Variants in SEMA6B observed in about 807,000 individuals in gnomAD.
The protein encoded by SEMA6B is semaphorin 6B.
In SEMA6B, 47 loss-of-function variants were observed where a neutral mutation model predicts 78.6. The ratio of observed to expected loss-of-function variants is 0.60; its 90% CI spans 0.47 to 0.76. The LOEUF (loss-of-function observed/expected upper bound fraction) is 0.76. SEMA6B is among the 30% of genes least tolerant of loss of function. The pLI is 0.00. For synonymous variants in SEMA6B, 632 were observed against 592.2 expected, an observed-to-expected ratio of 1.07 and a Z score of -0.98; for missense variants, 1,213 against 1,269.9, an observed-to-expected ratio of 0.96 and a Z score of 0.68.
At chr19:4,548,236 C>T in intron 13 of SEMA6B, 27 bp downstream of exon 13, 1 of 1,593,158 alleles carries the variant, frequency 6.3e-7, no homozygotes, top group African/African-American at 1.3e-5. Context: ...CTGCTGGCGA[C>T]CCCTTCCCAC....
rs918065842 is a variant in SEMA6B at position 4,544,157 on chromosome 19, G to A, written c.2111C>T (p.Ser704Leu). ...LLQGGPHDLD[S>L]GLLPTPEQTP... ...CTGCTCGGGCGTGGGCAGCAGCCCCGAGTCCAGGTCGTGGGGCCCGCCCTG... is the reference window on the plus strand; with the variant it reads ...CTGCTCGGGCGTGGGCAGCAGCCCCAAGTCCAGGTCGTGGGGCCCGCCCTG... The change falls in exon 17 of 17, where the codon TCG (serine) becomes TTG (leucine). Residue 704 changes from serine to leucine, a missense_variant. Ser to Leu is a moderately radical substitution (Grantham distance 145). Transcript: ENST00000586582. This position sits in a 1 kb window ranked among gnomAD's most constrained non-coding sequence, Gnocchi z 5.1. 7.9e-6 allele frequency: 10 copies of A among 1,271,524 alleles called. No individual in the cohort carries two copies. The highest frequency in any genetic ancestry group is 6.2e-5 in the African/African-American group (4 of 64,282). 78.8% of individuals were successfully genotyped at this position (1,271,524 alleles called of 1,614,324 possible).
At chr19:4,549,145 A>G (rs1568254278) in intron 12 of SEMA6B, among the ~76,000 whole-genome samples, 1 of 151,296 alleles carries the variant, frequency 6.6e-6, no homozygotes, top group African/African-American at 2.4e-5. Flanking sequence ...CCTGATATGT[A>G]TGTGTGTCTG....
Position 4,550,156 on chromosome 19 carries a change from C to T in SEMA6B, c.1238G>A (p.Gly413Asp). ...GGTCCGCAGGATCCAGGGCGCATGG[C>T]CCAGCGAGGGCACCGCCTCGTCCAT... The part of the protein sequence containing the change: ...PLMDEAVPSL[G>D]HAPWILRTLM... Residue 413 changes from glycine to aspartate, a missense_variant, in exon 12 of 17, where the codon GGC becomes GAC. Physicochemically the swap from Gly to Asp is moderately conservative, Grantham distance 94. Transcript: ENST00000586582. The surrounding 1 kb of genome is among the most constrained non-coding windows in gnomAD (Gnocchi z 6.6). 5 of 1,613,820 alleles carry T rather than the reference C, an allele frequency of 3.1e-6. No homozygotes were observed. Among genetic ancestry groups the T allele is most frequent in the Non-Finnish European group, 4.2e-6 (5 of 1,180,002 alleles).
chr19:4,555,664 C>T lies in SEMA6B; in HGVS notation c.472-100G>A, dbSNP rs575206169. The T allele has an allele frequency of 1.2e-4, 115 of 952,534 alleles. No individual in the cohort carries two copies. In the East Asian group the frequency reaches 1.9e-3, roughly 16 times the overall value. 59.0% of individuals were successfully genotyped at this position (952,534 alleles called of 1,614,324 possible). A position where few individuals can be genotyped will look rare whatever the true frequency, so the allele number is the denominator to read the frequency against. ...CTCCAGGGGGAATCCTGATCCACCA[C>T]GGATTACTGTGTGACCTTGGCCACT... On this transcript the variant is annotated intron_variant, in intron 6 of 16. Transcript: ENST00000586582. This position sits in a 1 kb window ranked among gnomAD's most constrained non-coding sequence, Gnocchi z 6.1.
At chr19:4,556,824 T>A in intron 5 of SEMA6B, 127 bp downstream of exon 5, 1 of 751,668 alleles carries the variant, frequency 1.3e-6, no homozygotes, top group Non-Finnish European at 2.0e-6. Flanking sequence ...GGGCCAGGGC[T>A]GATTGGGGGT....
Position 4,546,399 on chromosome 19 carries a change from C to A in SEMA6B, c.1672G>T (p.Gly558Cys). 6.3e-7 allele frequency: 1 copy of A among 1,584,230 alleles called. No individual in the cohort carries two copies. The highest frequency in any genetic ancestry group is 2.3e-5 in the East Asian group (1 of 43,102). ...PDGSCIFLSP[G>C]TRAAFEQDVS... Reference sequence around the variant, plus strand: ...CTCCCTCTCCCGCAGTACCTGGTGCCCGGGCTGAGGAAGATGCAGGAGCCG... The same window carrying A: ...CTCCCTCTCCCGCAGTACCTGGTGCACGGGCTGAGGAAGATGCAGGAGCCG... Residue 558 changes from glycine to cysteine, a missense_variant, in exon 15 of 17, where the codon GGC becomes TGC. Transcript: ENST00000586582.
Position 4,555,595 on chromosome 19 carries a change from T to C in SEMA6B, c.472-31A>G, listed in dbSNP as rs755920234. On this transcript the variant is annotated intron_variant, in intron 6 of 16. Coordinates refer to ENST00000586582, the MANE Select transcript of SEMA6B (RefSeq NM_032108.4). The surrounding 1 kb of genome is among the most constrained non-coding windows in gnomAD (Gnocchi z 6.1). ...GGGACCATGGGGCCTGAGTGACAGA[T>C]CTCCTGACCCCACCTAGCAGCCCCT... The C allele has an allele frequency of 1.3e-6, 2 of 1,576,584 alleles. No homozygotes were observed. Among genetic ancestry groups the C allele is most frequent in the Non-Finnish European group, 1.7e-6 (2 of 1,149,898 alleles).
chr19:4,546,852 G>C (rs969350216), intron 14 of SEMA6B, among the ~76,000 whole-genome samples: 2 of 152,086 alleles, frequency 1.3e-5, no homozygotes, highest in Non-Finnish European at 2.9e-5. Context: ...CTGACCTCAA[G>C]TGATCCACCC....
rs1290038765 is a variant in SEMA6B at position 4,548,066 on chromosome 19, A to G, written c.1562T>C (p.Val521Ala). The G allele has an allele frequency of 8.2e-6, 13 of 1,588,830 alleles. No individual in the cohort carries two copies. Among genetic ancestry groups the G allele is most frequent in the Non-Finnish European group, 1.0e-5 (12 of 1,173,002 alleles). Residue 521 changes from valine (V) to alanine (A), a missense_variant, in exon 14 of 17, where the codon GTG becomes GCG. Transcript: ENST00000586582. The part of the protein sequence containing the change: ...LAAFPRCVVR[V>A]PVARCQQYSG... ...GTACTGCTGGCAGCGAGCCACAGGC[A>G]CTCGGACCACGCAGCGGGGGAAGGC...
In SEMA6B at chr19:4,555,648, G is replaced by T; in HGVS notation, c.472-84C>A. The T allele has an allele frequency of 9.1e-7, 1 of 1,104,742 alleles. No individual in the cohort carries two copies. The highest frequency in any genetic ancestry group is 1.3e-6 in the Non-Finnish European group (1 of 749,572). 68.4% of individuals were successfully genotyped at this position (1,104,742 alleles called of 1,614,324 possible). A position where few individuals can be genotyped will look rare whatever the true frequency, so the allele number is the denominator to read the frequency against. On this transcript the variant is annotated intron_variant, in intron 6 of 16. Transcript: ENST00000586582. The surrounding 1 kb of genome is among the most constrained non-coding windows in gnomAD (Gnocchi z 6.1). ...CTCCCTCAGCCCCCCACTCCAGGGG[G>T]AATCCTGATCCACCACGGATTACTG...
At position 4,558,226 on chromosome 19, in the gene SEMA6B, A is replaced by T. The variant is rs577920196; in HGVS notation, c.122-77T>A. ...GGTGGCCTGAGGTCATGCCCCTTCT[A>T]GGGGTGGCTCCTGGACTGCTTGAGT... On this transcript the variant is annotated intron_variant, in intron 2 of 16. Coordinates refer to ENST00000586582, the MANE Select transcript of SEMA6B (RefSeq NM_032108.4). This position sits in a 1 kb window ranked among gnomAD's most constrained non-coding sequence, Gnocchi z 5.1. 1.5e-6 allele frequency: 2 copies of T among 1,343,046 alleles called. No individual in the cohort carries two copies. The highest frequency in any genetic ancestry group is 2.9e-5 in the East Asian group (1 of 34,632). 83.2% of individuals were successfully genotyped at this position (1,343,046 alleles called of 1,614,324 possible). A position where few individuals can be genotyped will look rare whatever the true frequency, so the allele number is the denominator to read the frequency against.
intron 4 of SEMA6B, 32 bp from the exon 5 acceptor site, chr19:4,557,045 C>A: frequency 6.2e-7 from 1 of 1,605,816 alleles, no homozygotes; most frequent in Non-Finnish European, 8.5e-7. Context: ...GAGGGGGTAA[C>A]GGGTCCCAGC....
At chr19:4,557,825 C>T (rs1300057368) in intron 3 of SEMA6B, among the ~76,000 whole-genome samples, 1 of 151,994 alleles carries the variant, frequency 6.6e-6, no homozygotes, top group Non-Finnish European at 1.5e-5. Flanking sequence ...CGCGTGTGAG[C>T]ACCTGAGTCA....
rs749311863 is a variant in SEMA6B at position 4,555,127 on chromosome 19, A to G, written c.563-32T>C. 1.2e-6 allele frequency: 2 copies of G among 1,611,646 alleles called. No individual in the cohort carries two copies. Among genetic ancestry groups the G allele is most frequent in the Non-Finnish European group, 1.7e-6 (2 of 1,179,272 alleles). The stretch of plus-strand genomic sequence containing the variant: ...GGGGTGGGTGGGGAAGGCAGGCAAG[A>G]GATGAGACCGCAGAGGCCAGGGGCT... On this transcript the variant is annotated intron_variant, in intron 7 of 16. Coordinates refer to ENST00000586582, the MANE Select transcript of SEMA6B (RefSeq NM_032108.4). The surrounding 1 kb of genome is among the most constrained non-coding windows in gnomAD (Gnocchi z 6.1).
In SEMA6B at chr19:4,550,666, A is replaced by T; in HGVS notation, c.1121+133T>A. ...GGCGTGAGCCACCACACCAGGCCTC[A>T]GTTTTTCCCAACTGTATAACGGGTA... On this transcript the variant is annotated intron_variant, in intron 11 of 16. Transcript: ENST00000586582. The surrounding 1 kb of genome is among the most constrained non-coding windows in gnomAD (Gnocchi z 6.6). 8.8e-7 allele frequency: 1 copy of T among 1,140,342 alleles called. No individual in the cohort carries two copies. The highest frequency in any genetic ancestry group is 1.2e-6 in the Non-Finnish European group (1 of 806,916). 70.6% of individuals were successfully genotyped at this position (1,140,342 alleles called of 1,614,324 possible).
At position 4,544,250 on chromosome 19, in the gene SEMA6B, G is replaced by A. The variant is rs1314967800; in HGVS notation, c.2018C>T (p.Ala673Val). 7.0e-6 allele frequency: 9 copies of A among 1,279,058 alleles called. No individual in the cohort carries two copies. The highest frequency in any genetic ancestry group is 4.3e-5 in the Admixed American group (1 of 23,246). 79.2% of individuals were successfully genotyped at this position (1,279,058 alleles called of 1,614,324 possible). A position where few individuals can be genotyped will look rare whatever the true frequency, so the allele number is the denominator to read the frequency against. Residue 673 changes from alanine (A) to valine (V), a missense_variant, in exon 17 of 17, where the codon GCC (alanine) becomes GTC (valine). Coordinates refer to ENST00000586582, the MANE Select transcript of SEMA6B (RefSeq NM_032108.4). The surrounding 1 kb of genome is among the most constrained non-coding windows in gnomAD (Gnocchi z 5.1). ...GGRGGGGGGGAGVPPEALLAP... is the reference protein window; with the variant it reads ...GGRGGGGGGGVGVPPEALLAP... The stretch of plus-strand genomic sequence containing the variant: ...CAGCAGGGCCTCCGGGGGAACCCCG[G>A]CGCCACCGCCACCGCCTCCGCCCCG...
Position 4,555,944 on chromosome 19 carries a change from G to A in SEMA6B, c.471+44C>T. 1 of 1,485,184 alleles carries A rather than the reference G, an allele frequency of 6.7e-7. No individual in the cohort carries two copies. The highest frequency in any genetic ancestry group is 9.4e-7 in the Non-Finnish European group (1 of 1,062,696). The allele number at this position is 1,485,184 out of a possible 1,614,324, so 92.0% of individuals were successfully genotyped here. A position where few individuals can be genotyped will look rare whatever the true frequency, so the allele number is the denominator to read the frequency against. ...GGCCAGCGGAGGTCGGGCGAGCAGAGGCCTGGAGGTTGGACCTGGGGCGCA... is the reference window on the plus strand; with the variant it reads ...GGCCAGCGGAGGTCGGGCGAGCAGAAGCCTGGAGGTTGGACCTGGGGCGCA... On this transcript the variant is annotated intron_variant, in intron 6 of 16. Coordinates refer to ENST00000586582, the MANE Select transcript of SEMA6B (RefSeq NM_032108.4). The surrounding 1 kb of genome is among the most constrained non-coding windows in gnomAD (Gnocchi z 6.1).
rs1371481800 is a variant in SEMA6B at position 4,550,157 on chromosome 19, C to G, written c.1237G>C (p.Gly413Arg). The change falls in exon 12 of 17, where the codon GGC becomes CGC. Residue 413 changes from glycine to arginine, a missense_variant. Physicochemically the swap from Gly to Arg is moderately radical, Grantham distance 125. Transcript: ENST00000586582. The surrounding 1 kb of genome is among the most constrained non-coding windows in gnomAD (Gnocchi z 6.6). ...GTCCGCAGGATCCAGGGCGCATGGC[C>G]CAGCGAGGGCACCGCCTCGTCCATC... ...PLMDEAVPSL[G>R]HAPWILRTLM... is the part of the protein sequence containing the mutation. 2 of 1,613,850 alleles carry G rather than the reference C, an allele frequency of 1.2e-6. No individual in the cohort carries two copies. Among genetic ancestry groups the G allele is most frequent in the Non-Finnish European group, 1.7e-6 (2 of 1,180,010 alleles).
chr19:4,544,269 C>G lies in SEMA6B; in HGVS notation c.1999G>C (p.Gly667Arg). 7.7e-7 allele frequency: 1 copy of G among 1,302,394 alleles called. No homozygotes were observed. Among genetic ancestry groups the G allele is most frequent in the Non-Finnish European group, 9.7e-7 (1 of 1,029,934 alleles). 80.7% of individuals were successfully genotyped at this position (1,302,394 alleles called of 1,614,324 possible). ...ACCCCGGCGCCACCGCCACCGCCTC[C>G]GCCCCGGCCCCCGGGACCCTGCGCC... is the stretch of plus-strand genomic sequence containing the variant. ...RRAQGPGGRG[G>R]GGGGGAGVPP... The change falls in exon 17 of 17, where the codon GGA becomes CGA. Residue 667 changes from glycine to arginine, a missense_variant. Physicochemically the swap from Gly to Arg is moderately radical, Grantham distance 125. Transcript: ENST00000586582. This position sits in a 1 kb window ranked among gnomAD's most constrained non-coding sequence, Gnocchi z 5.1.
Sources: gnomAD v4.1 joint callset for allele counts (sites outside exome capture counted in the v4.1 genomes callset) on GRCh38, gnomAD v4.1.1 for gene constraint, Gnocchi (gnomAD v3.1) non-coding constraint, MANE v1.5 for transcripts, NCBI Gene and HGNC (gene_info 2026-07-23, HGNC 2026-07-21) for gene names.